Variants in RAD51B observed in about 807,000 individuals in gnomAD.
RAD51B encodes the protein DNA repair protein RAD51 homolog 2.
RAD51B carries 38 observed loss-of-function variants against 42.2 expected under a neutral mutation model. The ratio of observed to expected loss-of-function variants is 0.90; its 90% confidence interval spans 0.70 to 1.18. The LOEUF (loss-of-function observed/expected upper bound fraction) is 1.18. Ranked by LOEUF, RAD51B falls within the 50% of genes most tolerant of loss-of-function variation. The probability of loss-of-function intolerance (pLI) is 0.00; values close to 1 mark genes in which losing one functional copy is unlikely to be tolerated. For synonymous variants in RAD51B, 154 were observed against 145.2 expected (o/e 1.06, Z -0.43); for missense variants, 373 against 400.7 (o/e 0.93, Z 0.59).
At chr14:68,558,323 T>G (rs557247167) in intron 10 of RAD51B, among the ~76,000 whole-genome samples, 11 of 152,372 alleles carry the variant, frequency 7.2e-5, no homozygotes, top group African/African-American at 2.4e-4. Context: ...AATGCTGACA[T>G]GAAGGCTTCG....
At chr14:68,193,966 A>G (rs1354945097) in intron 7 of RAD51B, among the ~76,000 whole-genome samples, 1 of 152,164 alleles carries the variant, frequency 6.6e-6, no homozygotes, top group Admixed American at 6.5e-5. Context: ...ACTACCACGA[A>G]TTCTGGGAGA....
intron 7 of RAD51B, among the ~76,000 whole-genome samples, chr14:67,963,040 T>G (rs910060689): frequency 6.6e-6 from 1 of 152,170 alleles, no homozygotes; most frequent in Non-Finnish European, 1.5e-5. Context: ...AATTAATGTT[T>G]CTTGAGTGAA....
chr14:68,598,966 A>T (rs1011355561), downstream of RAD51B, among the ~76,000 whole-genome samples: 1 of 152,298 alleles, frequency 6.6e-6, no homozygotes. Flanking sequence ...GGAACTGGGA[A>T]GAAAAAAAAT....
At chr14:68,210,210 C>T (rs570357225) in intron 7 of RAD51B, among the ~76,000 whole-genome samples, 1 of 152,268 alleles carries the variant, frequency 6.6e-6, no homozygotes, top group East Asian at 1.9e-4. Context: ...TCACCTGCCT[C>T]AGCCTCCCAA....
intron 10 of RAD51B, among the ~76,000 whole-genome samples, chr14:68,621,572 G>A (rs910430496): frequency 6.6e-6 from 1 of 152,220 alleles, no homozygotes; most frequent in African/African-American, 2.4e-5. Flanking sequence ...TCAGCTACCC[G>A]CTGTTTCCCT....
chr14:67,957,811 G>A lies in RAD51B; in HGVS notation c.756+70607G>A, dbSNP rs914130803. The stretch of plus-strand genomic sequence containing the variant: ...TAGAATTTGCTTTACTGTAATTTTC[G>A]TAAATGTATACCTTTGTAGTGTATG... On this transcript the variant is annotated intron_variant, in intron 7 of 10. Coordinates refer to ENST00000471583, the MANE Select transcript of RAD51B (RefSeq NM_133510.4). Among the ~76,000 whole-genome samples, 126 of 152,184 alleles carry A rather than the reference G, an allele frequency of 8.3e-4. 1 individual carries two copies. Among genetic ancestry groups the A allele is most frequent in the African/African-American group, 3.0e-3 (123 of 41,500 alleles).
intron 4 of RAD51B, among the ~76,000 whole-genome samples, chr14:67,856,003 A>G (rs2139960811): frequency 6.6e-6 from 1 of 152,362 alleles, no homozygotes; most frequent in South Asian, 2.1e-4. Context: ...TCTCTAATTT[A>G]GAAATAAACA....
At chr14:68,495,101 C>T (rs1884402643) in intron 10 of RAD51B, among the ~76,000 whole-genome samples, 2 of 152,212 alleles carry the variant, frequency 1.3e-5, no homozygotes, top group African/African-American at 4.8e-5. Flanking sequence ...CTCCCTGGGC[C>T]CTGGAAGAGC....
intron 7 of RAD51B, among the ~76,000 whole-genome samples, chr14:67,992,459 G>GGTAT (rs1426760948): frequency 6.6e-6 from 1 of 152,130 alleles, no homozygotes; most frequent in East Asian, 1.9e-4. Context: ...CTACCTTAAG[G>GGTAT]GTATGTGGTA....
intron 7 of RAD51B, chr14:68,149,887 A>G (rs1253393993): frequency 6.6e-6 from 1 of 152,118 alleles, no homozygotes; most frequent in Non-Finnish European, 1.5e-5. Flanking sequence ...TGGGACTACA[A>G]GTGCATGCCA....
intron 7 of RAD51B, among the ~76,000 whole-genome samples, chr14:68,140,910 G>A (rs185463022): frequency 5.3e-5 from 8 of 152,286 alleles, no homozygotes; most frequent in East Asian, 3.9e-4. Context: ...TGAAACAACC[G>A]GGCAAAGTGG....
intron 11 of RAD51B, among the ~76,000 whole-genome samples, chr14:68,676,021 G>A (rs1359830771): frequency 6.6e-6 from 1 of 152,160 alleles, no homozygotes; most frequent in Non-Finnish European, 1.5e-5. Context: ...GGTGGAACAT[G>A]AATAATAATA....
At chr14:68,374,579 C>T (rs1391054803) in intron 8 of RAD51B, among the ~76,000 whole-genome samples, 1 of 151,934 alleles carries the variant, frequency 6.6e-6, no homozygotes, top group African/African-American at 2.4e-5. Context: ...ACCTTTATAG[C>T]CCTAACCACT....
Position 68,382,566 on chromosome 14 carries a change from C to G in RAD51B, c.854-28858C>G, listed in dbSNP as rs549912517. ...CACTATGTCAGGCTCTCTGCTAAGT[C>G]TAGGTGAAAAGACAGAACCTCCCCA... On this transcript the variant is annotated intron_variant, in intron 8 of 10. Coordinates refer to ENST00000471583, the MANE Select transcript of RAD51B (RefSeq NM_133510.4). 4.6e-5 allele frequency among the ~76,000 whole-genome samples: 7 copies of G among 152,322 alleles called. No individual in the cohort carries two copies. The South Asian group carries it at 1.5e-3, about 32-fold the overall frequency.
At chr14:68,510,493 C>G (rs907534858) in intron 10 of RAD51B, among the ~76,000 whole-genome samples, 9 of 152,266 alleles carry the variant, frequency 5.9e-5, no homozygotes, top group Middle Eastern at 3.4e-3. Context: ...CCTCTGGAGC[C>G]CGGCTCTCCC....
At chr14:67,875,667 C>G (rs2042702036) in intron 5 of RAD51B, among the ~76,000 whole-genome samples, 1 of 152,150 alleles carries the variant, frequency 6.6e-6, no homozygotes, top group African/African-American at 2.4e-5. Flanking sequence ...TGTAGAAGTA[C>G]ACTTTATGAT....
chr14:68,179,319 TG>T (rs2079017197), intron 7 of RAD51B, among the ~76,000 whole-genome samples: 1 of 152,146 alleles, frequency 6.6e-6, no homozygotes. Flanking sequence ...AGAATCTGAT[TG>T]GGATAAAACA....
chr14:68,007,371 C>G (rs1426739976), intron 7 of RAD51B, among the ~76,000 whole-genome samples: 1 of 151,918 alleles, frequency 6.6e-6, no homozygotes, highest in Non-Finnish European at 1.5e-5. Flanking sequence ...TCTCTTGACT[C>G]TATATCTGGG....
At chr14:68,425,941 T>C (rs571943151) in intron 9 of RAD51B, among the ~76,000 whole-genome samples, 2 of 72,460 alleles carry the variant, frequency 2.8e-5, no homozygotes, top group African/African-American at 9.8e-5. Context: ...ATTCTTTTTC[T>C]TTCTTTCTTT....
Sources: allele counts gnomAD v4.1 joint callset (sites outside exome capture counted in the v4.1 genomes callset), GRCh38; gene constraint gnomAD v4.1.1; transcripts MANE v1.5; gene names NCBI Gene and HGNC (gene_info 2026-07-23, HGNC 2026-07-21).